Variants in CSMD3 observed in about 807,000 individuals in gnomAD.
CSMD3 encodes the protein CUB and sushi domain-containing protein 3.
Under a neutral mutation model 435.2 loss-of-function variants are expected in CSMD3, and 177 were observed. The observed-to-expected ratio is 0.41, with a 90% CI of 0.36 to 0.46. The LOEUF (loss-of-function observed/expected upper bound fraction) is 0.46, where lower values mean the gene tolerates loss of function less well. CSMD3 is among the 20% of genes least tolerant of loss of function. The pLI is 0.34. For missense variants in CSMD3, 4,265 were observed against 4,504.6 expected (o/e 0.95, Z 1.52); for synonymous variants, 1,656 against 1,520.5 (o/e 1.09, Z -2.07).
intron 10 of CSMD3, among the ~76,000 whole-genome samples, chr8:112,868,008 T>G (rs552712271): frequency 2.6e-5 from 4 of 152,196 alleles, no homozygotes; most frequent in Non-Finnish European, 5.9e-5. Context: ...TGCACAGCCA[T>G]ACATCATTAT....
intron 22 of CSMD3, among the ~76,000 whole-genome samples, chr8:112,590,730 T>G (rs1831115319): frequency 6.6e-6 from 1 of 151,860 alleles, no homozygotes; most frequent in South Asian, 2.1e-4. Flanking sequence ...TTTATAAAAT[T>G]TTTTGAGATT....
intron 27 of CSMD3, among the ~76,000 whole-genome samples, chr8:112,546,005 T>G (rs1586652877): frequency 1.3e-5 from 2 of 152,144 alleles, no homozygotes; most frequent in South Asian, 2.1e-4. Context: ...GAAGTAGCAT[T>G]TAGCCTATGT....
chr8:112,552,686 T>G lies in CSMD3; in HGVS notation c.4269A>C (p.Ser1423=). The G allele has an allele frequency of 1.2e-6, 2 of 1,612,098 alleles. No homozygotes were observed. The highest frequency in any genetic ancestry group is 2.2e-5 in the East Asian group (1 of 44,752). ...ECGGRFKGES[S]GRILSPGYPF... ...GATAGCCAGGAGATAAGATTCTTCC[T>G]GATGATTCTCCTTTAAAACGACCTC... Residue 1423 remains serine, a synonymous_variant, in exon 26 of 71, where the codon TCA becomes TCC. Coordinates refer to ENST00000297405, the MANE Select transcript of CSMD3 (RefSeq NM_198123.2).
rs535073557 is a variant in CSMD3, at chr8:112,998,812, A to C, written c.1030+20255T>G. On this transcript the variant is annotated intron_variant, in intron 6 of 70. Coordinates refer to ENST00000297405, the MANE Select transcript of CSMD3 (RefSeq NM_198123.2). Reference sequence around the variant, plus strand: ...CTGTTTTGGTGATAGGGTTCTCATGAGATCTGGTTGTTTAAAAGTGTATAG... The same window carrying C: ...CTGTTTTGGTGATAGGGTTCTCATGCGATCTGGTTGTTTAAAAGTGTATAG... Among the ~76,000 whole-genome samples the C allele has an allele frequency of 9.9e-5, 15 of 151,870 alleles. No homozygotes were observed. In the South Asian group the frequency reaches 2.7e-3, roughly 27 times the overall value.
intron 11 of CSMD3, among the ~76,000 whole-genome samples, chr8:112,834,082 G>T (rs1176918253): frequency 1.3e-5 from 2 of 151,810 alleles, no homozygotes; most frequent in Non-Finnish European, 2.9e-5. Context: ...CCATTTAATG[G>T]TAGATTTTAT....
intron 1 of CSMD3, among the ~76,000 whole-genome samples, chr8:113,333,455 T>C (rs868518667): frequency 1.3e-5 from 2 of 151,894 alleles, no homozygotes; most frequent in Non-Finnish European, 3.0e-5. Context: ...TTTTTGATTA[T>C]GTATCAGACT....
At chr8:112,949,764 T>C (rs767628014) in intron 8 of CSMD3, among the ~76,000 whole-genome samples, 22 of 152,080 alleles carry the variant, frequency 1.4e-4, no homozygotes, top group Non-Finnish European at 1.8e-4. Flanking sequence ...CTAGATTTTC[T>C]ACTGTATCAA....
At chr8:112,809,154 T>G (rs1587359712) in intron 12 of CSMD3, among the ~76,000 whole-genome samples, 1 of 152,194 alleles carries the variant, frequency 6.6e-6, no homozygotes, top group East Asian at 1.9e-4. Context: ...AATTCTCTCT[T>G]AATCATGTTC....
intron 12 of CSMD3, among the ~76,000 whole-genome samples, chr8:112,803,150 T>A (rs539364853): frequency 6.6e-6 from 1 of 152,302 alleles, no homozygotes; most frequent in East Asian, 1.9e-4. Context: ...AAGGAAAGAT[T>A]GAGAAGAATG....
At chr8:113,174,678 A>G (rs1588206555) in intron 3 of CSMD3, among the ~76,000 whole-genome samples, 1 of 152,086 alleles carries the variant, frequency 6.6e-6, no homozygotes, top group South Asian at 2.1e-4. Context: ...TTAAATGAAA[A>G]AATTTTTTTG....
rs1464605780 is a variant in CSMD3, at chr8:112,280,736, A to G, written c.9508+438T>C. Reference sequence around the variant, plus strand: ...TGCCATCTATTTTTAACATAACAAGAGAGCAAATCAGTTATCGAGACTCAC... The same window carrying G: ...TGCCATCTATTTTTAACATAACAAGGGAGCAAATCAGTTATCGAGACTCAC... On this transcript the variant is annotated intron_variant, in intron 59 of 70. Transcript: ENST00000297405. Among the ~76,000 whole-genome samples the G allele has an allele frequency of 2.0e-5, 3 of 152,202 alleles. No individual in the cohort carries two copies. The South Asian group carries it at 6.2e-4, about 31-fold the overall frequency.
At chr8:112,702,627 T>C (rs770640788) in intron 13 of CSMD3, among the ~76,000 whole-genome samples, 12 of 152,086 alleles carry the variant, frequency 7.9e-5, no homozygotes, top group Non-Finnish European at 4.4e-5. Context: ...GGTCCCATGA[T>C]AGCCAGGACC....
chr8:112,405,691 A>G (rs1831791755), intron 35 of CSMD3, among the ~76,000 whole-genome samples: 1 of 151,938 alleles, frequency 6.6e-6, no homozygotes, highest in Non-Finnish European at 1.5e-5. Context: ...GACTGAAAAA[A>G]TTTATAATTT....
chr8:113,376,889 G>A, intron 1 of CSMD3: 9 of 1,605,684 alleles, frequency 5.6e-6, no homozygotes, highest in Non-Finnish European at 7.7e-6. Context: ...AAGCTTCCTG[G>A]CCGGGAAAAC....
chr8:113,227,160 A>G (rs910137738), intron 3 of CSMD3, among the ~76,000 whole-genome samples: 6 of 151,736 alleles, frequency 4.0e-5, no homozygotes, highest in African/African-American at 9.6e-5. Flanking sequence ...AATGGAAAAA[A>G]GGAGAAAATG....
chr8:112,405,297 T>C (rs1356543625), intron 35 of CSMD3, among the ~76,000 whole-genome samples: 1 of 139,366 alleles, frequency 7.2e-6, no homozygotes. Flanking sequence ...CTAATATAAC[T>C]TTAATGAGAA....
chr8:112,694,217 G>T (rs2076203264), intron 13 of CSMD3, among the ~76,000 whole-genome samples: 1 of 151,848 alleles, frequency 6.6e-6, no homozygotes, highest in Non-Finnish European at 1.5e-5. Flanking sequence ...TTCTAATGCA[G>T]CATATTTGAA....
chr8:112,653,110 C>T (rs2075169535), intron 18 of CSMD3, among the ~76,000 whole-genome samples: 1 of 152,066 alleles, frequency 6.6e-6, no homozygotes, highest in African/African-American at 2.4e-5. Flanking sequence ...GTCATCGTGC[C>T]CAGCTAGTTT....
At chr8:112,683,551 T>C (rs895775650) in intron 15 of CSMD3, among the ~76,000 whole-genome samples, 1 of 152,076 alleles carries the variant, frequency 6.6e-6, no homozygotes, top group Admixed American at 6.5e-5. Context: ...ATGGGTTTAT[T>C]TGAATTTTTC....
Sources: allele counts gnomAD v4.1 joint callset (sites outside exome capture counted in the v4.1 genomes callset), GRCh38; gene constraint gnomAD v4.1.1; transcripts MANE v1.5; gene names NCBI Gene and HGNC (gene_info 2026-07-23, HGNC 2026-07-21).